The following ESCO2 variants were observed in gnomAD, a reference collection of about 807,000 sequenced individuals.
The protein encoded by ESCO2 is N-acetyltransferase ESCO2.
Under a neutral mutation model 61.7 loss-of-function variants are expected in ESCO2, and 51 were observed. That is an observed-to-expected ratio of 0.83 (90% CI 0.66 to 1.04). The LOEUF is 1.04. Ranked by LOEUF, ESCO2 falls within the 50% of genes least tolerant of loss-of-function variation. The pLI, the probability that ESCO2 is intolerant of heterozygous loss-of-function variation, is 0.00. For synonymous variants in ESCO2, 230 were observed against 238.2 expected (o/e 0.97, Z 0.32); for missense variants, 692 against 686.2 (o/e 1.01, Z -0.09).
intron 5 of ESCO2, 120 bp from the exon 6 acceptor site, chr8:27,787,765 C>A: frequency 1.3e-6 from 1 of 741,050 alleles, no homozygotes; most frequent in Non-Finnish European, 2.4e-6. Flanking sequence ...ATTACTTCAT[C>A]AAGTTAATGT....
At chr8:27,793,479 G>GTT (rs67670087) in intron 9 of ESCO2, among the ~76,000 whole-genome samples, 32 of 125,502 alleles carry the variant, frequency 2.5e-4, no homozygotes, top group African/African-American at 4.1e-4. Context: ...CTTTTTCTTT[G>GTT]TTTTTTTTTT....
At chr8:27,793,887 C>T (rs1331872337) in intron 9 of ESCO2, among the ~76,000 whole-genome samples, 1 of 152,156 alleles carries the variant, frequency 6.6e-6, no homozygotes, top group Non-Finnish European at 1.5e-5. Context: ...CCAACGTTTC[C>T]CCATTTCTCC....
At chr8:27,815,209 G>A (rs1344529129), downstream of ESCO2, among the ~76,000 whole-genome samples, 2 of 150,264 alleles carry the variant, frequency 1.3e-5, no homozygotes, top group African/African-American at 2.5e-5. Flanking sequence ...GGTAAAAGAA[G>A]GAAAAGTGAG....
chr8:27,810,413 A>G, downstream of ESCO2: 3 of 1,604,682 alleles, frequency 1.9e-6, no homozygotes, highest in Non-Finnish European at 2.6e-6. Flanking sequence ...GGTATGATTC[A>G]TCCAGTTCTT....
In ESCO2 at chr8:27,804,842, TTAAC is replaced by T. The variant is rs145717897; in HGVS notation, c.*1405_*1408del. On this transcript the variant is annotated 3_prime_UTR_variant, in exon 11 of 11. Coordinates refer to ENST00000305188, the MANE Select transcript of ESCO2 (RefSeq NM_001017420.3). Reference sequence around the variant, plus strand: ...TAAATATTTTATTTAAAATTTTTAATTAACATTTTGTTTGCTTAATGCTTTTGTT... The same window carrying T: ...TAAATATTTTATTTAAAATTTTTAATATTTTGTTTGCTTAATGCTTTTGTT... The T allele has an allele frequency of 1.9e-3, 1,648 of 855,672 alleles. 24 individuals carry two copies. In the African/African-American group the frequency reaches 0.028, roughly 14 times the overall value. The allele number at this position is 855,672 out of a possible 1,614,324, so 53.0% of individuals were successfully genotyped here. A position where few individuals can be genotyped will look rare whatever the true frequency, so the allele number is the denominator to read the frequency against.
intron 10 of ESCO2, among the ~76,000 whole-genome samples, chr8:27,802,691 GA>G (rs1805476138): frequency 9.1e-6 from 1 of 110,196 alleles, no homozygotes; most frequent in Non-Finnish European, 1.8e-5. Flanking sequence ...GCTTAAGATT[GA>G]TTTTTTTTGG....
chr8:27,780,323 T>G, intron 4 of ESCO2, 56 bp downstream of exon 4: 1 of 1,087,170 alleles, frequency 9.2e-7, no homozygotes, highest in South Asian at 1.3e-5. Flanking sequence ...ATTACATACA[T>G]TATACAATAA....
chr8:27,787,516 G>A (rs1336246303), intron 5 of ESCO2, among the ~76,000 whole-genome samples: 4 of 152,094 alleles, frequency 2.6e-5, no homozygotes, highest in Non-Finnish European at 4.4e-5. Context: ...CTTCATAGCT[G>A]TATGGGGTAA....
At chr8:27,784,923 T>C (rs750456619) in intron 5 of ESCO2, among the ~76,000 whole-genome samples, 4 of 152,238 alleles carry the variant, frequency 2.6e-5, no homozygotes, top group Non-Finnish European at 4.4e-5. Flanking sequence ...CAAAGGTTTG[T>C]TTCTAGTTTT....
downstream of ESCO2, among the ~76,000 whole-genome samples, chr8:27,816,359 T>TATATATATATATATATATATATA (rs1563489324): frequency 1.4e-3 from 175 of 126,252 alleles, no homozygotes; most frequent in African/African-American, 2.7e-3. Context: ...ATATATATAT[T>TATATATATATATATATATATATA]TATTTATTTA....
Position 27,803,629 on chromosome 8 carries a change from A to C in ESCO2, c.*191A>C. On this transcript the variant is annotated 3_prime_UTR_variant, in exon 11 of 11. Transcript: ENST00000305188. Reference sequence around the variant, plus strand: ...TGAAAAGTCAGGAATAAATTTGTTGAAAATTATCTGGGGATTCAAAGGAAA... The same window carrying C: ...TGAAAAGTCAGGAATAAATTTGTTGCAAATTATCTGGGGATTCAAAGGAAA... The C allele has an allele frequency of 7.3e-7, 1 of 1,364,996 alleles. No homozygotes were observed. The highest frequency in any genetic ancestry group is 9.4e-7 in the Non-Finnish European group (1 of 1,065,612). 84.6% of individuals were successfully genotyped at this position (1,364,996 alleles called of 1,614,324 possible).
chr8:27,776,212 A>C (rs928241709), intron 2 of ESCO2, 150 bp from the exon 3 acceptor site: 21 of 636,240 alleles, frequency 3.3e-5, no homozygotes, highest in African/African-American at 3.1e-4. Flanking sequence ...GAATTTGAGA[A>C]TCCTACTGTT....
chr8:27,810,130 T>G (rs1395021524), downstream of ESCO2: 1 of 571,966 alleles, frequency 1.7e-6, no homozygotes. Context: ...CAATTCCAAG[T>G]GCTTATAGCC....
At position 27,775,380 on chromosome 8, in the gene ESCO2, A is replaced by G. The variant is rs150394932; in HGVS notation, c.-16-119A>G. ...GGGTGGAAGGAGAGCAATGTCGAGG[A>G]AGACCTCCCAGAAAATAGGGTTTTA... is the stretch of plus-strand genomic sequence containing the variant. On this transcript the variant is annotated intron_variant, in intron 1 of 10. Coordinates refer to ENST00000305188, the MANE Select transcript of ESCO2 (RefSeq NM_001017420.3). 3.8e-4 allele frequency: 339 copies of G among 883,636 alleles called. 4 individuals carry two copies. The East Asian group carries it at 8.2e-3, about 21-fold the overall frequency. The allele number at this position is 883,636 out of a possible 1,614,324, so 54.7% of individuals were successfully genotyped here.
At chr8:27,788,727 C>T in intron 6 of ESCO2, 120 bp from the exon 7 acceptor site, 3 of 1,214,480 alleles carry the variant, frequency 2.5e-6, no homozygotes, top group South Asian at 1.3e-5. Flanking sequence ...TTTAGTTTTT[C>T]ACTTGTGTCA....
downstream of ESCO2, chr8:27,811,829 A>T (rs1430925287): frequency 6.6e-6 from 1 of 152,330 alleles, no homozygotes; most frequent in African/African-American, 2.4e-5. Context: ...GTGATGCTTT[A>T]TAGTATTCAT....
Position 27,804,162 on chromosome 8 carries a change from T to C in ESCO2, c.*724T>C. On this transcript the variant is annotated 3_prime_UTR_variant, in exon 11 of 11. Transcript: ENST00000305188. ...AAGGAATAAGATTATCCCATATGCATTTCTGTAGAGCAGAATTTGATAGCT... is the reference window on the plus strand; with the variant it reads ...AAGGAATAAGATTATCCCATATGCACTTCTGTAGAGCAGAATTTGATAGCT... The C allele has an allele frequency of 1.0e-6, 1 of 985,430 alleles. No homozygotes were observed. Among genetic ancestry groups the C allele is most frequent in the Non-Finnish European group, 1.2e-6 (1 of 829,912 alleles). 61.0% of individuals were successfully genotyped at this position (985,430 alleles called of 1,614,324 possible). A position where few individuals can be genotyped will look rare whatever the true frequency, so the allele number is the denominator to read the frequency against.
At chr8:27,788,079 C>A in intron 6 of ESCO2, 77 bp downstream of exon 6, 1 of 987,580 alleles carries the variant, frequency 1.0e-6, no homozygotes, top group Non-Finnish European at 1.6e-6. Flanking sequence ...TTAGACAGTT[C>A]AGAACTTGGT....
chr8:27,811,219 G>A, downstream of ESCO2: 1 of 1,134,218 alleles, frequency 8.8e-7, no homozygotes, highest in Non-Finnish European at 1.3e-6. Context: ...CGAACGATTT[G>A]AACAAGTAGT....
Sources: allele counts gnomAD v4.1 joint callset (sites outside exome capture counted in the v4.1 genomes callset), GRCh38; gene constraint gnomAD v4.1.1; transcripts MANE v1.5; gene names NCBI Gene and HGNC (gene_info 2026-07-23, HGNC 2026-07-21).